ATG16L1: variants seen among roughly 807,000 people sequenced by gnomAD.
ATG16L1 encodes the protein autophagy related 16 like 1.
ATG16L1 carries 37 observed loss-of-function variants against 88.5 expected under a neutral mutation model. The observed-to-expected ratio is 0.42, with a 90% CI of 0.32 to 0.55. ATG16L1 has a LOEUF of 0.55. Ranked by LOEUF, ATG16L1 falls within the 20% of genes least tolerant of loss-of-function variation. ATG16L1 has a pLI of 0.13. For synonymous variants in ATG16L1, 301 were observed against 281.0 expected (o/e 1.07, Z -0.71); for missense variants, 554 against 752.8 (o/e 0.74, Z 3.09).
intron 2 of ATG16L1, among the ~76,000 whole-genome samples, chr2:233,257,437 T>A (rs533657354): frequency 6.6e-6 from 1 of 152,334 alleles, no homozygotes; most frequent in South Asian, 2.1e-4. Context: ...CAGTTTAGTA[T>A]TCAATAAATT....
rs1699682456 is a variant in ATG16L1, at chr2:233,294,540, G to A, written c.*190G>A. On this transcript the variant is annotated 3_prime_UTR_variant, in exon 18 of 18. Coordinates refer to ENST00000392017, the MANE Select transcript of ATG16L1 (RefSeq NM_030803.7). ...TTTGACTGAGGTCTCTCTTGGCCTG[G>A]AAGAATAACACTGAAAAAACCTGAC... 2.3e-5 allele frequency: 11 copies of A among 477,276 alleles called. No homozygotes were observed. The South Asian group carries it at 2.5e-4, about 11-fold the overall frequency. The allele number at this position is 477,276 out of a possible 1,614,324, so 29.6% of individuals were successfully genotyped here.
intron 6 of ATG16L1, 85 bp downstream of exon 6, chr2:233,270,152 GT>G: frequency 5.3e-5 from 71 of 1,334,452 alleles, no homozygotes; most frequent in South Asian, 1.1e-4. Context: ...TTTTTGTTTG[GT>G]TTTTTTTGAG....
Position 233,263,255 on chromosome 2 carries a change from T to C in ATG16L1, c.315+20T>C. ...GGGGAGGTAAAGCTAGCCCTTTTCC[T>C]CATCTGTCTTCTGCCCTCTATGAGA... On this transcript the variant is annotated intron_variant, in intron 3 of 17. Coordinates refer to ENST00000392017, the MANE Select transcript of ATG16L1 (RefSeq NM_030803.7). 6.2e-7 allele frequency: 1 copy of C among 1,602,536 alleles called. No individual in the cohort carries two copies. Among genetic ancestry groups the C allele is most frequent in the Non-Finnish European group, 8.5e-7 (1 of 1,170,932 alleles).
At position 233,251,720 on chromosome 2, in the gene ATG16L1, T is replaced by C. The variant is rs1696379418; in HGVS notation, c.-108T>C. 5 of 984,400 alleles carry C rather than the reference T, an allele frequency of 5.1e-6. No individual in the cohort carries two copies. Among genetic ancestry groups the C allele is most frequent in the South Asian group, 1.4e-5 (1 of 71,858 alleles). 61.0% of individuals were successfully genotyped at this position (984,400 alleles called of 1,614,324 possible). The stretch of plus-strand genomic sequence containing the variant: ...GGACTGCCAGTGTGTGGAGGTGAGC[T>C]CCGGGATTGCCGGCATTCCCGCTTC... On this transcript the variant is annotated 5_prime_UTR_variant, in exon 1 of 18. Transcript: ENST00000392017.
rs1396207851 is a variant in ATG16L1 at position 233,295,461 on chromosome 2, G to A, written c.*1111G>A. ...GAGTGTTAGAGCTGGTGAGAGAGGA[G>A]TCAGGTGGCCTTCCCACCGATGGTC... On this transcript the variant is annotated 3_prime_UTR_variant, in exon 18 of 18. Coordinates refer to ENST00000392017, the MANE Select transcript of ATG16L1 (RefSeq NM_030803.7). 1 of 152,688 alleles carries A rather than the reference G, an allele frequency of 6.5e-6. No homozygotes were observed. The highest frequency in any genetic ancestry group is 1.9e-4 in the East Asian group (1 of 5,324). 9.5% of individuals were successfully genotyped at this position (152,688 alleles called of 1,614,324 possible). A position where few individuals can be genotyped will look rare whatever the true frequency, so the allele number is the denominator to read the frequency against.
rs748462423 is a variant in ATG16L1 at position 233,251,798 on chromosome 2, T to C, written c.-30T>C. The C allele has an allele frequency of 5.8e-6, 9 of 1,542,340 alleles. No homozygotes were observed. The South Asian group carries it at 9.5e-5, about 16-fold the overall frequency. On this transcript the variant is annotated 5_prime_UTR_variant, in exon 1 of 18. Coordinates refer to ENST00000392017, the MANE Select transcript of ATG16L1 (RefSeq NM_030803.7). Reference sequence around the variant, plus strand: ...GGCCGTCAGCCCTCGCTCGCATTGGTGGCGCTGAGGTGCCGGGGCAGCAAG... The same window carrying C: ...GGCCGTCAGCCCTCGCTCGCATTGGCGGCGCTGAGGTGCCGGGGCAGCAAG...
In ATG16L1 at chr2:233,265,099, C is replaced by G. The variant is rs778283124; in HGVS notation, c.597C>G (p.Ala199=). The G allele has an allele frequency of 2.5e-6, 4 of 1,613,966 alleles. No homozygotes were observed. The highest frequency in any genetic ancestry group is 3.4e-6 in the Non-Finnish European group (4 of 1,180,018). The change falls in exon 5 of 18, where the codon GCC becomes GCG. Residue 199 remains alanine, a synonymous_variant. Transcript: ENST00000392017. The part of the protein sequence containing the change: ...ELVTRWMAEK[A]QEANRLNAEN... ...TCACCAGATGGATGGCTGAGAAAGC[C>G]CAGGAAGCCAATCGGCTTAATGCAG...
chr2:233,279,922 A>C (rs1698614538), intron 10 of ATG16L1, among the ~76,000 whole-genome samples: 1 of 152,238 alleles, frequency 6.6e-6, no homozygotes, highest in Non-Finnish European at 1.5e-5. Flanking sequence ...CATAAGCCAA[A>C]GAGATATTTC....
rs1403357188 is a variant in ATG16L1, at chr2:233,270,044, A to G, written c.684A>G (p.Ala228=). ...ARLQKELAEA[A]KEPLPVEQDD... is the part of the protein sequence containing the mutation. ...TGCAGAAAGAGCTTGCAGAAGCAGCAAAGGAACCTCTACCAGTCGAACAGT... is the reference window on the plus strand; with the variant it reads ...TGCAGAAAGAGCTTGCAGAAGCAGCGAAGGAACCTCTACCAGTCGAACAGT... The change falls in exon 6 of 18, where the codon GCA becomes GCG. Residue 228 remains alanine, a synonymous_variant. Coordinates refer to ENST00000392017, the MANE Select transcript of ATG16L1 (RefSeq NM_030803.7). The G allele has an allele frequency of 1.3e-6, 2 of 1,590,926 alleles. No individual in the cohort carries two copies. The highest frequency in any genetic ancestry group is 2.7e-5 in the African/African-American group (2 of 73,032).
intron 2 of ATG16L1, among the ~76,000 whole-genome samples, chr2:233,257,898 G>A (rs571333387): frequency 2.7e-4 from 41 of 152,008 alleles, no homozygotes; most frequent in African/African-American, 8.9e-4. Context: ...CCAGCTACCC[G>A]GGAGGTTGAG....
At chr2:233,264,827 G>A (rs1697457302) in intron 4 of ATG16L1, 65 bp from the exon 5 acceptor site, 3 of 1,591,356 alleles carry the variant, frequency 1.9e-6, no homozygotes, top group South Asian at 1.1e-5. Context: ...ACTCAGCCAG[G>A]TCCGTCTGGC....
intron 12 of ATG16L1, among the ~76,000 whole-genome samples, chr2:233,284,857 G>A (rs892777258): frequency 6.6e-6 from 1 of 152,152 alleles, no homozygotes; most frequent in Admixed American, 6.5e-5. Context: ...TTCTTGAGAG[G>A]GTTGTATAGA....
chr2:233,261,936 A>G (rs900634884), intron 2 of ATG16L1, among the ~76,000 whole-genome samples: 1 of 152,220 alleles, frequency 6.6e-6, no homozygotes, highest in African/African-American at 2.4e-5. Context: ...GACAGTGTCT[A>G]CATGTTAGCC....
chr2:233,289,038 C>T, intron 12 of ATG16L1: 2 of 410,654 alleles, frequency 4.9e-6, no homozygotes, highest in Admixed American at 5.6e-5. Flanking sequence ...TCTAGTCTGA[C>T]TTTAAATATG....
intron 2 of ATG16L1, 54 bp downstream of exon 2, chr2:233,256,249 A>T: frequency 7.0e-7 from 1 of 1,428,614 alleles, no homozygotes; most frequent in Non-Finnish European, 9.8e-7. Flanking sequence ...AATTTATCTC[A>T]GTTCAGTTGT....
At chr2:233,293,420 G>A in intron 17 of ATG16L1, 63 bp downstream of exon 17, 1 of 1,451,088 alleles carries the variant, frequency 6.9e-7, no homozygotes, top group Non-Finnish European at 9.7e-7. Flanking sequence ...CTTCATCTCA[G>A]GGGTCATCCG....
intron 9 of ATG16L1, 151 bp downstream of exon 9, chr2:233,274,929 T>C (rs1234298022): frequency 1.8e-6 from 1 of 557,820 alleles, no homozygotes; most frequent in Non-Finnish European, 3.0e-6. Flanking sequence ...CTGTGAGAAA[T>C]TGATATATTT....
intron 3 of ATG16L1, 68 bp from the exon 4 acceptor site, chr2:233,263,924 C>T: frequency 6.8e-7 from 1 of 1,474,124 alleles, no homozygotes; most frequent in South Asian, 1.2e-5. Context: ...AAATCGCCAC[C>T]CACTGTGTAG....
At chr2:233,254,965 A>G (rs1327934694) in intron 1 of ATG16L1, among the ~76,000 whole-genome samples, 10 of 127,046 alleles carry the variant, frequency 7.9e-5, no homozygotes, top group Non-Finnish European at 1.8e-4. Flanking sequence ...ATTTCATTTC[A>G]TTTGTTTATT....
Sources: gnomAD v4.1 joint callset for allele counts (sites outside exome capture counted in the v4.1 genomes callset) on GRCh38, gnomAD v4.1.1 for gene constraint, MANE v1.5 for transcripts, NCBI Gene and HGNC (gene_info 2026-07-23, HGNC 2026-07-21) for gene names.